UBE2E2: variants seen among roughly 807,000 people sequenced by gnomAD.
UBE2E2 encodes ubiquitin-conjugating enzyme E2 E2.
A neutral mutation model predicts 24.7 loss-of-function variants in UBE2E2; 6 were observed. That is an observed-to-expected ratio of 0.24 (90% CI 0.13 to 0.48). The LOEUF (loss-of-function observed/expected upper bound fraction) is 0.48. UBE2E2 is among the 20% of genes least tolerant of loss of function. The probability of loss-of-function intolerance (pLI) is 0.99; values close to 1 mark genes in which losing one functional copy is unlikely to be tolerated. For synonymous variants in UBE2E2, 104 were observed against 83.6 expected, an observed-to-expected ratio of 1.24 and a Z score of -1.33; for missense variants, 169 against 245.0, an observed-to-expected ratio of 0.69 and a Z score of 2.07.
intron 5 of UBE2E2, among the ~76,000 whole-genome samples, chr3:23,533,726 G>A (rs560357770): frequency 6.8e-6 from 1 of 148,108 alleles, no homozygotes; most frequent in African/African-American, 2.5e-5. Flanking sequence ...GGATTCAAGC[G>A]ATTCTCCTAT....
intron 3 of UBE2E2, among the ~76,000 whole-genome samples, chr3:23,460,518 C>T (rs1282999679): frequency 6.6e-6 from 1 of 152,108 alleles, no homozygotes; most frequent in Non-Finnish European, 1.5e-5. Flanking sequence ...ATAGGAACAG[C>T]AGTAGCAGGT....
chr3:23,530,353 T>C (rs1695094015), intron 4 of UBE2E2, among the ~76,000 whole-genome samples: 1 of 152,214 alleles, frequency 6.6e-6, no homozygotes, highest in African/African-American at 2.4e-5. Flanking sequence ...CCCTCTTTGA[T>C]TATAGCTATG....
chr3:23,222,069 T>A (rs1296034474), intron 3 of UBE2E2, among the ~76,000 whole-genome samples: 1 of 152,162 alleles, frequency 6.6e-6, no homozygotes, highest in Admixed American at 6.5e-5. Context: ...TCTACATTTT[T>A]AGCTCTCATG....
chr3:23,483,403 A>G (rs1699296207), intron 3 of UBE2E2, among the ~76,000 whole-genome samples: 1 of 152,234 alleles, frequency 6.6e-6, no homozygotes, highest in African/African-American at 2.4e-5. Context: ...ATGTATGTAA[A>G]TATAAAATGT....
intron 5 of UBE2E2, among the ~76,000 whole-genome samples, chr3:23,565,608 A>G (rs941432770): frequency 9.2e-5 from 14 of 151,950 alleles, no homozygotes; most frequent in African/African-American, 3.4e-4. Flanking sequence ...GAAGGTTGGG[A>G]TTTCCACCTA....
At chr3:23,463,199 C>T (rs958172138) in intron 3 of UBE2E2, among the ~76,000 whole-genome samples, 10 of 151,918 alleles carry the variant, frequency 6.6e-5, no homozygotes, top group Non-Finnish European at 8.8e-5. Flanking sequence ...TTAATTCTTT[C>T]AGAGTATACT....
rs1696218039 is a variant in UBE2E2, at chr3:23,571,280, C to CTTTCTTTTTTTTTTTTTTTTTT, written c.509-18451_509-18450insCTTTTTTTTTTTTTTTTTTTTT. ...AGTCCCCTCACCTGTGTGCTCCTTT[C>CTTTCTTTTTTTTTTTTTTTTTT]TTTTTTTTTTTTTTTTTTTTTTTTT... On this transcript the variant is annotated intron_variant, in intron 5 of 5. Coordinates refer to ENST00000396703, the MANE Select transcript of UBE2E2 (RefSeq NM_152653.4). Among the ~76,000 whole-genome samples the CTTTCTTTTTTTTTTTTTTTTTT allele has an allele frequency of 1.2e-3, 37 of 29,878 alleles. 1 individual carries two copies. The highest frequency in any genetic ancestry group is 3.0e-3 in the African/African-American group (29 of 9,716). The allele number at this position is 29,878 out of a possible 152,430, so 19.6% of individuals were successfully genotyped here.
chr3:23,234,929 G>A (rs1697066806), intron 3 of UBE2E2, among the ~76,000 whole-genome samples: 2 of 152,138 alleles, frequency 1.3e-5, no homozygotes, highest in Non-Finnish European at 2.9e-5. Context: ...AGAATGTCAG[G>A]CGCTGATGTG....
chr3:23,393,436 A>G (rs1012224840), intron 3 of UBE2E2, among the ~76,000 whole-genome samples: 2 of 152,222 alleles, frequency 1.3e-5, no homozygotes, highest in African/African-American at 4.8e-5. Context: ...CAGCAGCATC[A>G]GTATCACCTG....
chr3:23,422,193 A>G (rs999914051), intron 3 of UBE2E2, among the ~76,000 whole-genome samples: 8 of 152,204 alleles, frequency 5.3e-5, no homozygotes, highest in Non-Finnish European at 1.2e-4. Context: ...AGGTTAAGAG[A>G]GAATCTTTTA....
chr3:23,518,334 A>C (rs912742534), intron 4 of UBE2E2, among the ~76,000 whole-genome samples: 2 of 152,232 alleles, frequency 1.3e-5, no homozygotes, highest in Middle Eastern at 6.3e-3. Context: ...AGGCATGGAA[A>C]TTTAAGTGGA....
At chr3:23,444,282 G>C (rs544339142) in intron 3 of UBE2E2, among the ~76,000 whole-genome samples, 1 of 152,092 alleles carries the variant, frequency 6.6e-6, no homozygotes, top group African/African-American at 2.4e-5. Flanking sequence ...CCATTGTGTA[G>C]CTGCAGTCTT....
intron 5 of UBE2E2, among the ~76,000 whole-genome samples, chr3:23,543,558 A>T (rs868369488): frequency 3.5e-4 from 51 of 146,276 alleles, no homozygotes; most frequent in Admixed American, 6.7e-4. Context: ...AAAAAAAAAA[A>T]AATAATAATA....
At position 23,569,426 on chromosome 3, in the gene UBE2E2, A is replaced by C. The variant is rs71322199; in HGVS notation, c.509-20308A>C. ...GTGGTAATGGTTGCCCAATCTGTGA[A>C]TATACTAAAAACCATTAAAGTGTGC... On this transcript the variant is annotated intron_variant, in intron 5 of 5. Coordinates refer to ENST00000396703, the MANE Select transcript of UBE2E2 (RefSeq NM_152653.4). 3.0e-3 allele frequency among the ~76,000 whole-genome samples: 457 copies of C among 152,348 alleles called. 2 individuals carry two copies. Among genetic ancestry groups the C allele is most frequent in the Non-Finnish European group, 3.9e-3 (266 of 68,030 alleles).
intron 3 of UBE2E2, among the ~76,000 whole-genome samples, chr3:23,275,500 A>C (rs1698356376): frequency 6.6e-6 from 1 of 152,206 alleles, no homozygotes; most frequent in South Asian, 2.1e-4. Context: ...GTCCTTCCTA[A>C]GAGCAATGGG....
intron 3 of UBE2E2, among the ~76,000 whole-genome samples, chr3:23,330,139 A>C (rs866511725): frequency 5.3e-5 from 8 of 152,226 alleles, no homozygotes; most frequent in Non-Finnish European, 2.9e-5. Context: ...ACTGCCTCCT[A>C]AAATATTCAG....
At chr3:23,400,090 A>G (rs1455731666) in intron 3 of UBE2E2, among the ~76,000 whole-genome samples, 3 of 152,212 alleles carry the variant, frequency 2.0e-5, no homozygotes, top group Admixed American at 2.0e-4. Flanking sequence ...ACCGTCATAT[A>G]CAAGTCTAAA....
intron 5 of UBE2E2, among the ~76,000 whole-genome samples, chr3:23,570,641 A>C: frequency 6.6e-6 from 1 of 152,168 alleles, no homozygotes; most frequent in East Asian, 1.9e-4. Flanking sequence ...ATATTTGCCA[A>C]ACTCTTTCCT....
chr3:23,203,262 G>T, upstream of UBE2E2: 2 of 988,578 alleles, frequency 2.0e-6, no homozygotes, highest in Non-Finnish European at 2.4e-6. Context: ...CGGCGCTGAG[G>T]GTGAGTCCGG....
Sources: gnomAD v4.1 joint callset for allele counts (sites outside exome capture counted in the v4.1 genomes callset) on GRCh38, gnomAD v4.1.1 for gene constraint, MANE v1.5 for transcripts, NCBI Gene and HGNC (gene_info 2026-07-23, HGNC 2026-07-21) for gene names.